KCNN2: variants seen among roughly 807,000 people sequenced by gnomAD.
KCNN2 encodes the protein potassium calcium-activated channel subfamily N member 2, also known as small conductance calcium-activated potassium channel protein 2.
KCNN2 carries 24 observed loss-of-function variants against 55.5 expected under a neutral mutation model. That is an observed-to-expected ratio of 0.43 (90% CI 0.31 to 0.61). The LOEUF is 0.61. Ranked by LOEUF, KCNN2 falls within the 20% of genes least tolerant of loss-of-function variation. KCNN2 has a pLI of 0.08. For missense variants in KCNN2, 754 were observed against 853.6 expected (o/e 0.88, Z 1.45); for synonymous variants, 431 against 336.1 (o/e 1.28, Z -3.09).
intron 1 of KCNN2, among the ~76,000 whole-genome samples, chr5:114,213,165 G>A (rs1753924579): frequency 6.6e-6 from 1 of 151,978 alleles, no homozygotes; most frequent in African/African-American, 2.4e-5. Context: ...TAATATTCAG[G>A]TCTTGCTGTT....
At chr5:114,089,610 A>G (rs914673558) in intron 1 of KCNN2, among the ~76,000 whole-genome samples, 3 of 152,224 alleles carry the variant, frequency 2.0e-5, no homozygotes, top group Admixed American at 6.5e-5. Context: ...TGCCAATTCC[A>G]GCTGCCTGTG....
chr5:114,131,464 C>CT (rs1327002877), intron 1 of KCNN2, among the ~76,000 whole-genome samples: 1 of 152,162 alleles, frequency 6.6e-6, no homozygotes, highest in African/African-American at 2.4e-5. Flanking sequence ...TAATCTAGTT[C>CT]TTTTTTATGG....
intron 1 of KCNN2, among the ~76,000 whole-genome samples, chr5:114,110,801 A>G (rs1405414469): frequency 2.0e-5 from 3 of 152,068 alleles, no homozygotes; most frequent in African/African-American, 7.2e-5. Flanking sequence ...ATATCTACAG[A>G]CAGCTACTTA....
intron 1 of KCNN2, among the ~76,000 whole-genome samples, chr5:114,098,908 C>T (rs1425666446): frequency 1.3e-5 from 2 of 152,050 alleles, no homozygotes; most frequent in African/African-American, 2.4e-5. Flanking sequence ...TGACATTATA[C>T]TCACTGTCAG....
intron 2 of KCNN2, among the ~76,000 whole-genome samples, 165 bp from the exon 3 acceptor site, chr5:114,404,273 A>C (rs1758870667): frequency 6.6e-6 from 1 of 152,196 alleles, no homozygotes; most frequent in Non-Finnish European, 1.5e-5. Context: ...AATGAATACC[A>C]ATACCCTTTA....
intron 2 of KCNN2, among the ~76,000 whole-genome samples, chr5:114,326,506 G>A (rs1756716856): frequency 6.6e-6 from 1 of 152,136 alleles, no homozygotes; most frequent in Admixed American, 6.5e-5. Context: ...GAGTGCCATG[G>A]CCAGTTCTGC....
intron 2 of KCNN2, among the ~76,000 whole-genome samples, chr5:114,373,177 G>GT (rs1209319588): frequency 6.6e-6 from 1 of 152,024 alleles, no homozygotes; most frequent in Non-Finnish European, 1.5e-5. Context: ...AGTGTGCCAG[G>GT]TTCATTGAGT....
At chr5:114,143,275 A>G (rs537500542) in intron 1 of KCNN2, among the ~76,000 whole-genome samples, 11 of 152,310 alleles carry the variant, frequency 7.2e-5, no homozygotes, top group African/African-American at 2.4e-4. Flanking sequence ...AAAATTTACA[A>G]TATAGTGTGT....
intron 1 of KCNN2, among the ~76,000 whole-genome samples, chr5:114,104,760 C>A (rs773442613): frequency 6.6e-6 from 1 of 151,848 alleles, no homozygotes; most frequent in Non-Finnish European, 1.5e-5. Flanking sequence ...AGGCACACTT[C>A]CTGAGAAAAT....
chr5:114,161,204 T>C (rs1460741195), intron 1 of KCNN2, among the ~76,000 whole-genome samples: 14 of 152,118 alleles, frequency 9.2e-5, no homozygotes, highest in Admixed American at 8.5e-4. Context: ...GGCCTGGTGG[T>C]GACAAAATCT....
chr5:114,302,805 T>C (rs1489572078), intron 2 of KCNN2, among the ~76,000 whole-genome samples: 4 of 152,162 alleles, frequency 2.6e-5, no homozygotes, highest in African/African-American at 2.4e-5. Flanking sequence ...CTCAATCATA[T>C]AGCTGCCATA....
chr5:114,237,688 G>A (rs1356674096), intron 2 of KCNN2, among the ~76,000 whole-genome samples: 1 of 152,090 alleles, frequency 6.6e-6, no homozygotes, highest in African/African-American at 2.4e-5. Flanking sequence ...AATTTCTCAG[G>A]TCCCTTACTG....
At chr5:114,481,899 C>T (rs535772124) in intron 5 of KCNN2, among the ~76,000 whole-genome samples, 5 of 152,158 alleles carry the variant, frequency 3.3e-5, no homozygotes, top group Non-Finnish European at 5.9e-5. Context: ...GTATTAAAGA[C>T]TTAAATGTAA....
rs1192706640 is a variant in KCNN2 at position 114,404,963 on chromosome 5, T to G, written c.1637+107T>G. ...ACGTGTAGTGTCTCACTCTTAAAAA[T>G]TTTGGATTTTCTGACAGGCTTCTTT... On this transcript the variant is annotated intron_variant, in intron 3 of 7. Coordinates refer to ENST00000673685, the MANE Select transcript of KCNN2 (RefSeq NM_021614.4). 4.8e-6 allele frequency: 5 copies of G among 1,033,196 alleles called. No individual in the cohort carries two copies. The East Asian group carries it at 9.7e-5, about 20-fold the overall frequency. The allele number at this position is 1,033,196 out of a possible 1,614,324, so 64.0% of individuals were successfully genotyped here. A position where few individuals can be genotyped will look rare whatever the true frequency, so the allele number is the denominator to read the frequency against.
Position 114,362,636 on chromosome 5 carries a change from C to T in KCNN2, c.497C>T (p.Ala166Val). 4.1e-6 allele frequency: 5 copies of T among 1,208,372 alleles called. No individual in the cohort carries two copies. Among genetic ancestry groups the T allele is most frequent in the Non-Finnish European group, 4.5e-6 (4 of 897,294 alleles). 74.9% of individuals were successfully genotyped at this position (1,208,372 alleles called of 1,614,324 possible). A position where few individuals can be genotyped will look rare whatever the true frequency, so the allele number is the denominator to read the frequency against. The change falls in exon 1 of 8, where the codon GCC (alanine) becomes GTC (valine). Residue 166 changes from alanine (A) to valine (V), a missense_variant. Around this residue, in one of 4 missense-constraint regions of KCNN2, gnomAD observed 381 missense variants for 259.1 expected, o/e 1.47. Coordinates refer to ENST00000673685, the MANE Select transcript of KCNN2 (RefSeq NM_021614.4). ...QYHQCHSLQP[A>V]ASPTGSLGSL... ...CACCAGTGCCACAGCCTGCAGCCCG[C>T]CGCCAGCCCCACGGGCAGCCTCGGC...
At chr5:114,357,898 T>G (rs1054779008), upstream of KCNN2, among the ~76,000 whole-genome samples, 4 of 151,478 alleles carry the variant, frequency 2.6e-5, no homozygotes, top group Admixed American at 6.6e-5. Flanking sequence ...ATGGTTGAAC[T>G]AGTTTACAGT....
chr5:114,406,270 G>A (rs921911999), intron 3 of KCNN2, among the ~76,000 whole-genome samples: 12 of 150,414 alleles, frequency 8.0e-5, no homozygotes, highest in Non-Finnish European at 1.2e-4. Flanking sequence ...TGCTTATGTT[G>A]CTGCATCTAG....
chr5:114,219,430 C>T (rs886995360), intron 1 of KCNN2, among the ~76,000 whole-genome samples: 6 of 152,058 alleles, frequency 3.9e-5, no homozygotes, highest in Non-Finnish European at 7.4e-5. Context: ...AAGTGGCTCT[C>T]CGCAGGAAGG....
Position 114,333,404 on chromosome 5 carries a change from A to G in KCNN2, c.-184-27541A>G, listed in dbSNP as rs536434261. Among the ~76,000 whole-genome samples, 16 of 152,316 alleles carry G rather than the reference A, an allele frequency of 1.1e-4. No homozygotes were observed. In the South Asian group the frequency reaches 3.1e-3, roughly 30 times the overall value. On this transcript the variant is annotated intron_variant, in intron 2 of 10. Transcript: ENST00000512097. ...TTGTTTATATTGAAGGTTATTTTAAAAATAATGTTTATTGTAAAAGTTACA... is the reference window on the plus strand; with the variant it reads ...TTGTTTATATTGAAGGTTATTTTAAGAATAATGTTTATTGTAAAAGTTACA...
Sources: allele counts gnomAD v4.1 joint callset (sites outside exome capture counted in the v4.1 genomes callset), GRCh38; gene constraint gnomAD v4.1.1; regional missense constraint gnomAD v4.1.1; transcripts MANE v1.5; gene names NCBI Gene and HGNC (gene_info 2026-07-23, HGNC 2026-07-21).